ASIC2: variants seen among roughly 807,000 people sequenced by gnomAD.
ASIC2 encodes acid-sensing ion channel 2.
Under a neutral mutation model 57.3 loss-of-function variants are expected in ASIC2, and 25 were observed. The observed-to-expected ratio is 0.44, with a 90% CI of 0.32 to 0.61. The LOEUF is 0.61. ASIC2 is among the 20% of genes least tolerant of loss of function. ASIC2 has a pLI of 0.06. For synonymous variants in ASIC2, 319 were observed against 307.5 expected (o/e 1.04, Z -0.39); for missense variants, 641 against 738.1 (o/e 0.87, Z 1.52).
chr17:33,517,396 G>A (rs949386651), intron 1 of ASIC2, among the ~76,000 whole-genome samples: 1 of 152,164 alleles, frequency 6.6e-6, no homozygotes, highest in South Asian at 2.1e-4. Flanking sequence ...GATTACAGGC[G>A]CGAGCCATGG....
intron 1 of ASIC2, among the ~76,000 whole-genome samples, chr17:33,780,942 A>G (rs571718133): frequency 6.6e-6 from 1 of 152,280 alleles, no homozygotes; most frequent in East Asian, 1.9e-4. Context: ...TCTCATCCAT[A>G]AAATGGATGT....
intron 1 of ASIC2, among the ~76,000 whole-genome samples, chr17:33,476,569 GTGTGTGTC>G (rs1212230775): frequency 1.3e-5 from 2 of 150,100 alleles, no homozygotes; most frequent in Admixed American, 1.3e-4. Flanking sequence ...GTGTGTGTGT[GTGTGTGTC>G]AGTTCTTGGA....
intron 2 of ASIC2, among the ~76,000 whole-genome samples, chr17:33,106,151 C>G (rs935259784): frequency 6.6e-6 from 1 of 151,854 alleles, no homozygotes; most frequent in African/African-American, 2.4e-5. Context: ...TGAGGGTGTT[C>G]CTGGAATATT....
At chr17:33,748,693 G>A (rs1462597380) in intron 1 of ASIC2, among the ~76,000 whole-genome samples, 1 of 152,186 alleles carries the variant, frequency 6.6e-6, no homozygotes, top group African/African-American at 2.4e-5. Context: ...GAGAATAGAA[G>A]CTGCCCTCAT....
chr17:34,134,902 C>T (rs1008526030), intron 1 of ASIC2, among the ~76,000 whole-genome samples: 4 of 152,146 alleles, frequency 2.6e-5, no homozygotes, highest in African/African-American at 9.7e-5. Flanking sequence ...CTCCTTGGGC[C>T]CCTTCAGTTC....
chr17:33,800,597 T>C (rs1912105663), intron 1 of ASIC2, among the ~76,000 whole-genome samples: 1 of 152,156 alleles, frequency 6.6e-6, no homozygotes, highest in South Asian at 2.1e-4. Flanking sequence ...GTTAAACATG[T>C]AAATTCCAGG....
chr17:33,402,712 T>G (rs1910326951), intron 1 of ASIC2, among the ~76,000 whole-genome samples: 1 of 152,230 alleles, frequency 6.6e-6, no homozygotes, highest in African/African-American at 2.4e-5. Flanking sequence ...GTTGATTCCC[T>G]GTCTTTGCTA....
At chr17:33,788,138 G>A (rs1911660962) in intron 1 of ASIC2, among the ~76,000 whole-genome samples, 1 of 151,836 alleles carries the variant, frequency 6.6e-6, no homozygotes, top group Admixed American at 6.6e-5. Flanking sequence ...TACAGAATGG[G>A]ACAAAATTTT....
intron 1 of ASIC2, among the ~76,000 whole-genome samples, chr17:33,381,043 G>T (rs990929943): frequency 1.3e-5 from 2 of 152,212 alleles, no homozygotes; most frequent in Non-Finnish European, 2.9e-5. Context: ...GTTCGAGATG[G>T]CAGGGTTTGG....
At chr17:33,985,681 A>G (rs1905793797) in intron 1 of ASIC2, among the ~76,000 whole-genome samples, 1 of 152,216 alleles carries the variant, frequency 6.6e-6, no homozygotes, top group Non-Finnish European at 1.5e-5. Context: ...TCCATGGTCA[A>G]ACACTTTTGG....
At chr17:33,681,099 C>T (rs1907988003) in intron 1 of ASIC2, among the ~76,000 whole-genome samples, 1 of 152,220 alleles carries the variant, frequency 6.6e-6, no homozygotes, top group Non-Finnish European at 1.5e-5. Flanking sequence ...GGCCTGCATC[C>T]AGCCCCACCT....
At chr17:33,716,735 C>T (rs1567696903) in intron 1 of ASIC2, among the ~76,000 whole-genome samples, 2 of 152,308 alleles carry the variant, frequency 1.3e-5, no homozygotes, top group Non-Finnish European at 2.9e-5. Flanking sequence ...GACTGCATCT[C>T]CTGCCCTCAA....
intron 1 of ASIC2, among the ~76,000 whole-genome samples, chr17:33,801,908 G>A (rs959820413): frequency 6.6e-6 from 1 of 152,172 alleles, no homozygotes; most frequent in Non-Finnish European, 1.5e-5. Flanking sequence ...ATCGCAGAGT[G>A]TAGTTGGCTA....
At chr17:33,251,792 A>T (rs776416963) in intron 1 of ASIC2, among the ~76,000 whole-genome samples, 1 of 152,162 alleles carries the variant, frequency 6.6e-6, no homozygotes, top group Non-Finnish European at 1.5e-5. Flanking sequence ...CAGGATTCAA[A>T]CTCAGATCTG....
intron 1 of ASIC2, among the ~76,000 whole-genome samples, chr17:34,041,662 AAGTT>A (rs1378326339): frequency 6.6e-5 from 10 of 152,310 alleles, no homozygotes; most frequent in African/African-American, 2.4e-4. Flanking sequence ...CCCTCAAACC[AAGTT>A]AGTTCTTCCC....
intron 1 of ASIC2, among the ~76,000 whole-genome samples, chr17:33,761,533 C>T (rs1910777975): frequency 6.6e-6 from 1 of 152,058 alleles, no homozygotes; most frequent in African/African-American, 2.4e-5. Context: ...ATTCCAGTCC[C>T]AAATGGAATG....
intron 1 of ASIC2, among the ~76,000 whole-genome samples, chr17:34,031,478 G>C (rs1423644673): frequency 6.6e-6 from 1 of 152,206 alleles, no homozygotes; most frequent in African/African-American, 2.4e-5. Flanking sequence ...AAGGAATGCA[G>C]CTCCTCACCA....
chr17:33,573,588 CAG>C (rs1326407687), intron 1 of ASIC2, among the ~76,000 whole-genome samples: 1 of 152,146 alleles, frequency 6.6e-6, no homozygotes, highest in Non-Finnish European at 1.5e-5. Context: ...TTTTTCAAGA[CAG>C]AGTCTTGCTC....
chr17:34,145,032 C>A (rs1409160586), intron 1 of ASIC2, among the ~76,000 whole-genome samples: 1 of 152,222 alleles, frequency 6.6e-6, no homozygotes, highest in Non-Finnish European at 1.5e-5. Context: ...GATTTGCTCT[C>A]TAGGGTTGGC....
Sources: allele counts gnomAD v4.1 joint callset (sites outside exome capture counted in the v4.1 genomes callset), GRCh38; gene constraint gnomAD v4.1.1; transcripts MANE v1.5; gene names NCBI Gene and HGNC (gene_info 2026-07-23, HGNC 2026-07-21).